The following STXBP5L variants were observed in gnomAD, a reference collection of about 807,000 sequenced individuals.
The protein encoded by STXBP5L is syntaxin binding protein 5L.
STXBP5L carries 65 observed loss-of-function variants against 144.5 expected under a neutral mutation model. The observed-to-expected ratio is 0.45, with a 90% CI of 0.37 to 0.55. The LOEUF is 0.55. Among genes scored for constraint, STXBP5L ranks in the 20% least tolerant of loss-of-function variants. The probability of loss-of-function intolerance (pLI) is 0.00; values close to 1 mark genes in which losing one functional copy is unlikely to be tolerated. For synonymous variants in STXBP5L, 505 were observed against 469.6 expected (o/e 1.08, Z -0.97); for missense variants, 1,298 against 1,405.5 (o/e 0.92, Z 1.22).
At chr3:121,248,602 T>C (rs938764897) in intron 14 of STXBP5L, among the ~76,000 whole-genome samples, 1 of 152,158 alleles carries the variant, frequency 6.6e-6, no homozygotes, top group Admixed American at 6.5e-5. Context: ...GTTGTCTGTT[T>C]AGTCTGTTGA....
intron 5 of STXBP5L, among the ~76,000 whole-genome samples, chr3:121,082,597 T>C (rs2042303781): frequency 6.6e-6 from 1 of 152,356 alleles, no homozygotes; most frequent in African/African-American, 2.4e-5. Flanking sequence ...GGTAATTTTA[T>C]CTCTGAATCC....
chr3:121,215,774 C>G (rs967600441), intron 10 of STXBP5L, among the ~76,000 whole-genome samples: 1 of 152,158 alleles, frequency 6.6e-6, no homozygotes, highest in African/African-American at 2.4e-5. Flanking sequence ...GGAAGTTCTC[C>G]TGGATAATAT....
At chr3:121,159,614 G>T (rs1202734385) in intron 9 of STXBP5L, among the ~76,000 whole-genome samples, 4 of 149,066 alleles carry the variant, frequency 2.7e-5, no homozygotes, top group African/African-American at 9.8e-5. Flanking sequence ...TGCTTGGGAA[G>T]AATGTACATT....
intron 5 of STXBP5L, among the ~76,000 whole-genome samples, chr3:121,064,945 T>G (rs965204556): frequency 6.6e-6 from 1 of 152,200 alleles, no homozygotes; most frequent in Non-Finnish European, 1.5e-5. Context: ...AATGTTTATG[T>G]CTATGTGTGC....
chr3:121,019,777 C>T (rs1945412454), intron 3 of STXBP5L, among the ~76,000 whole-genome samples: 1 of 152,144 alleles, frequency 6.6e-6, no homozygotes. Flanking sequence ...GAACAGCAGC[C>T]CTTGAGTCCC....
chr3:121,396,338 C>A (rs954188257), intron 22 of STXBP5L, among the ~76,000 whole-genome samples: 4 of 152,190 alleles, frequency 2.6e-5, no homozygotes, highest in Non-Finnish European at 5.9e-5. Flanking sequence ...GTTTAATATT[C>A]CACATGGAGA....
intron 19 of STXBP5L, among the ~76,000 whole-genome samples, chr3:121,291,882 C>T (rs560094983): frequency 6.6e-6 from 1 of 152,284 alleles, no homozygotes; most frequent in South Asian, 2.1e-4. Context: ...ATCATCATTT[C>T]TACCCTTGTA....
chr3:121,344,945 AATTATATATATAAG>A (rs1007580985), intron 20 of STXBP5L, among the ~76,000 whole-genome samples: 1 of 150,054 alleles, frequency 6.7e-6, no homozygotes, highest in African/African-American at 2.4e-5. Context: ...TAAGATCTTT[AATTATATATATAAG>A]ATTATATATA....
intron 3 of STXBP5L, 115 bp from the exon 4 acceptor site, chr3:121,041,585 A>T: frequency 1.4e-6 from 1 of 726,206 alleles, no homozygotes; most frequent in Non-Finnish European, 2.3e-6. Context: ...TCAACTATTT[A>T]TAAAAATAAG....
intron 3 of STXBP5L, among the ~76,000 whole-genome samples, chr3:120,965,099 G>GT (rs1275532633): frequency 1.6e-4 from 24 of 150,694 alleles, no homozygotes; most frequent in East Asian, 3.9e-4. Context: ...GCAACCCCTG[G>GT]TTTTTTTTGC....
chr3:121,083,364 T>A (rs2042339888), intron 5 of STXBP5L, among the ~76,000 whole-genome samples: 3 of 152,170 alleles, frequency 2.0e-5, no homozygotes, highest in African/African-American at 7.2e-5. Context: ...AAGAGATTGT[T>A]AAAATTGGTA....
intron 3 of STXBP5L, among the ~76,000 whole-genome samples, chr3:120,973,711 A>C: frequency 6.8e-6 from 1 of 147,460 alleles, no homozygotes. Flanking sequence ...ACCCCACAAC[A>C]GTCCCCAGAG....
intron 2 of STXBP5L, among the ~76,000 whole-genome samples, chr3:120,934,235 T>C (rs1246973895): frequency 1.3e-5 from 2 of 152,044 alleles, no homozygotes; most frequent in Non-Finnish European, 2.9e-5. Context: ...TGTAAATTTC[T>C]CATATGACTT....
intron 3 of STXBP5L, among the ~76,000 whole-genome samples, chr3:120,997,328 A>G (rs1255119022): frequency 6.6e-6 from 1 of 152,160 alleles, no homozygotes; most frequent in Non-Finnish European, 1.5e-5. Context: ...TGTTTAGTTG[A>G]ATGATAGTTC....
At chr3:121,175,526 T>G (rs1388316094) in intron 9 of STXBP5L, among the ~76,000 whole-genome samples, 1 of 152,126 alleles carries the variant, frequency 6.6e-6, no homozygotes, top group Non-Finnish European at 1.5e-5. Flanking sequence ...AAATTTTAAG[T>G]TTTAAAATGT....
At chr3:120,950,733 A>G (rs929643643) in intron 2 of STXBP5L, among the ~76,000 whole-genome samples, 3 of 152,066 alleles carry the variant, frequency 2.0e-5, no homozygotes, top group Non-Finnish European at 4.4e-5. Context: ...TACTGCCCAA[A>G]GTAATTTATA....
intron 9 of STXBP5L, among the ~76,000 whole-genome samples, chr3:121,159,324 TTTA>T (rs1177508928): frequency 6.6e-6 from 1 of 152,062 alleles, no homozygotes; most frequent in Admixed American, 6.6e-5. Flanking sequence ...CATTTTCATT[TTTA>T]TTATTTGTGT....
At chr3:121,250,301 A>G (rs1243997108) in intron 14 of STXBP5L, among the ~76,000 whole-genome samples, 3 of 151,986 alleles carry the variant, frequency 2.0e-5, no homozygotes, top group Non-Finnish European at 4.4e-5. Flanking sequence ...GCAACTCTAG[A>G]TATATTTGGT....
intron 5 of STXBP5L, among the ~76,000 whole-genome samples, chr3:121,101,631 G>T (rs1279478062): frequency 6.6e-6 from 1 of 152,010 alleles, no homozygotes. Context: ...ATATCATACT[G>T]AACAGGCAAA....
Sources: gnomAD v4.1 joint callset for allele counts (sites outside exome capture counted in the v4.1 genomes callset) on GRCh38, gnomAD v4.1.1 for gene constraint, MANE v1.5 for transcripts, NCBI Gene and HGNC (gene_info 2026-07-23, HGNC 2026-07-21) for gene names.